The following SLC22A2 variants were observed in gnomAD, a reference collection of about 807,000 sequenced individuals.
The protein encoded by SLC22A2 is organic cation transporter 2.
Under a neutral mutation model 60.5 loss-of-function variants are expected in SLC22A2, and 46 were observed. The ratio of observed to expected loss-of-function variants is 0.76; its 90% CI spans 0.60 to 0.97. The LOEUF (loss-of-function observed/expected upper bound fraction) is 0.97, where lower values mean the gene tolerates loss of function less well. Among genes scored for constraint, SLC22A2 ranks in the 50% least tolerant of loss-of-function variants. The pLI is 0.00. For missense variants in SLC22A2, 701 were observed against 706.6 expected (o/e 0.99, Z 0.09); for synonymous variants, 303 against 267.0 (o/e 1.13, Z -1.31).
At position 160,233,977 on chromosome 6, in the gene SLC22A2, G is replaced by A. The variant is rs943228059; in HGVS notation, c.1501+7497C>T. 7.2e-5 allele frequency among the ~76,000 whole-genome samples: 11 copies of A among 152,098 alleles called. No individual in the cohort carries two copies. The South Asian group carries it at 8.3e-4, about 11-fold the overall frequency. ...CCATCATATCCCCTGTGACCTGCAC[G>A]TATACATCCAGATGGCCTGAAGTAA... is the stretch of plus-strand genomic sequence containing the variant. On this transcript the variant is annotated intron_variant, in intron 9 of 10. Transcript: ENST00000366953.
At chr6:160,224,889 CT>C (rs3219197) in intron 9 of SLC22A2, 85 bp from the exon 10 acceptor site, 98 of 583,318 alleles carry the variant, frequency 1.7e-4, no homozygotes, top group African/African-American at 1.6e-3. Context: ...TTGTTTAAAA[CT>C]TTTTTTTAGC....
intron 10 of SLC22A2, 77 bp from the exon 11 acceptor site, chr6:160,217,575 A>G: frequency 1.4e-6 from 1 of 739,518 alleles, no homozygotes; most frequent in Non-Finnish European, 2.4e-6. Context: ...GTGGGTAATA[A>G]ATGAGAGGAA....
Position 160,243,796 on chromosome 6 carries a change from G to C in SLC22A2, c.1065-10C>G. 6.2e-7 allele frequency: 1 copy of C among 1,604,814 alleles called. No homozygotes were observed. The highest frequency in any genetic ancestry group is 8.5e-7 in the Non-Finnish European group (1 of 1,172,536). On this transcript the variant is annotated splice_polypyrimidine_tract_variant and intron_variant, in intron 6 of 10. Coordinates refer to ENST00000366953, the MANE Select transcript of SLC22A2 (RefSeq NM_003058.4). Reference sequence around the variant, plus strand: ...CACAGAGCTCGTGAACCTGAGCAAAGAGGAGAGTTCAGGTCAAGTCAAGCA... The same window carrying C: ...CACAGAGCTCGTGAACCTGAGCAAACAGGAGAGTTCAGGTCAAGTCAAGCA...
At chr6:160,232,281 C>A (rs1406561536) in intron 9 of SLC22A2, among the ~76,000 whole-genome samples, 4 of 151,826 alleles carry the variant, frequency 2.6e-5, no homozygotes, top group Non-Finnish European at 5.9e-5. Context: ...TGTTCCTCAC[C>A]CTGATCACAC....
chr6:160,238,911 T>C (rs315985), intron 9 of SLC22A2, among the ~76,000 whole-genome samples: 106,103 of 151,964 alleles, frequency 0.7, 38,894 homozygotes, highest in Admixed American at 0.82. Context: ...AGAGTGACTC[T>C]GTCTTGGACA....
chr6:160,246,151 C>A lies in SLC22A2; in HGVS notation c.958-606G>T, dbSNP rs561147752. Among the ~76,000 whole-genome samples the A allele has an allele frequency of 2.0e-4, 30 of 152,066 alleles. No individual in the cohort carries two copies. In the South Asian group the frequency reaches 5.6e-3, roughly 28 times the overall value. On this transcript the variant is annotated intron_variant, in intron 5 of 10. Coordinates refer to ENST00000366953, the MANE Select transcript of SLC22A2 (RefSeq NM_003058.4). ...AAAGTGCTGGGATTACAGGCATGAG[C>A]CACTGCGCCCGACCAATTTTTGTAT...
In SLC22A2 at chr6:160,241,518, T is replaced by C. The variant is rs1314102745; in HGVS notation, c.1457A>G (p.Tyr486Cys). 2 of 1,613,808 alleles carry C rather than the reference T, an allele frequency of 1.2e-6. No homozygotes were observed. Among genetic ancestry groups the C allele is most frequent in the East Asian group, 2.2e-5 (1 of 44,860 alleles). The change falls in exon 9 of 11, where the codon TAC becomes TGC. Residue 486 changes from tyrosine (Y) to cysteine (C), a missense_variant. Transcript: ENST00000366953. ...CTCAAGCCAGATGTTAGTGAGCCGGTAGACCAGGAATGGCGTGATGATGCC... is the reference window on the plus strand; with the variant it reads ...CTCAAGCCAGATGTTAGTGAGCCGGCAGACCAGGAATGGCGTGATGATGCC... ...IGGIITPFLV[Y>C]RLTNIWLELP... is the part of the protein sequence containing the mutation.
intron 6 of SLC22A2, chr6:160,244,472 A>G (rs1334112105): frequency 6.6e-6 from 1 of 152,240 alleles, no homozygotes; most frequent in African/African-American, 2.4e-5. Flanking sequence ...TGGGATCGAA[A>G]GAACTGACTA....
chr6:160,220,628 T>C (rs1235037753), intron 10 of SLC22A2, among the ~76,000 whole-genome samples: 1 of 152,190 alleles, frequency 6.6e-6, no homozygotes, highest in East Asian at 1.9e-4. Flanking sequence ...ATTTCTTAAA[T>C]AATAATACTT....
chr6:160,224,341 T>C (rs1782690378), intron 10 of SLC22A2, among the ~76,000 whole-genome samples: 1 of 151,692 alleles, frequency 6.6e-6, no homozygotes, highest in Non-Finnish European at 1.5e-5. Context: ...TTAGGAAAAT[T>C]AGCCCAATGT....
intron 9 of SLC22A2, among the ~76,000 whole-genome samples, chr6:160,227,841 C>T (rs1782748021): frequency 6.6e-6 from 1 of 152,150 alleles, no homozygotes; most frequent in Non-Finnish European, 1.5e-5. Context: ...TGCAGTAAAG[C>T]CAGCTATAAC....
rs3907239 is a variant in SLC22A2, at chr6:160,242,294, C to T, written c.1388G>A (p.Arg463Lys). Reference sequence around the variant, plus strand: ...GTCATTCTAAGGAAAATGCACTCACCTAATGAATGTGGGGTACAGCTCAGC... The same window carrying T: ...GTCATTCTAAGGAAAATGCACTCACTTAATGAATGTGGGGTACAGCTCAGC... ...VNAELYPTFI[R>K]NLGVHICSSM... Residue 463 changes from arginine (R) to lysine (K), a missense_variant and splice_region_variant, in exon 8 of 11, where the codon AGG becomes AAG. Physicochemically the swap from Arg to Lys is conservative, Grantham distance 26 (BLOSUM62 2). Coordinates refer to ENST00000366953, the MANE Select transcript of SLC22A2 (RefSeq NM_003058.4). 1 of 1,531,272 alleles carries T rather than the reference C, an allele frequency of 6.5e-7. No individual in the cohort carries two copies. The highest frequency in any genetic ancestry group is 9.1e-7 in the Non-Finnish European group (1 of 1,104,296). The allele number at this position is 1,531,272 out of a possible 1,614,324, so 94.9% of individuals were successfully genotyped here.
intron 10 of SLC22A2, among the ~76,000 whole-genome samples, chr6:160,221,763 C>T (rs867385585): frequency 7.2e-5 from 11 of 152,156 alleles, no homozygotes; most frequent in Admixed American, 6.5e-5. Context: ...ACGCATTTAT[C>T]AATTAAGTTT....
At chr6:160,237,785 G>A (rs1488269136) in intron 9 of SLC22A2, among the ~76,000 whole-genome samples, 1 of 152,124 alleles carries the variant, frequency 6.6e-6, no homozygotes, top group East Asian at 1.9e-4. Flanking sequence ...GATGAGATAG[G>A]AAGTTGGCAC....
rs149782050 is a variant in SLC22A2, at chr6:160,247,231, T to A, written c.910A>T (p.Lys304Ter). 86 of 1,613,794 alleles carry A rather than the reference T, an allele frequency of 5.3e-5. No individual in the cohort carries two copies. In the African/African-American group the frequency reaches 1.1e-3, roughly 21 times the overall value. Residue 304 changes from lysine (K) to a stop codon, truncating the protein, a stop_gained, in exon 5 of 11, where the codon AAG becomes TAG. Coordinates refer to ENST00000366953, the MANE Select transcript of SLC22A2 (RefSeq NM_003058.4). LOFTEE classifies it high-confidence loss of function. ...NKNAEAMRIIKHIAKKNGKSL... is the reference protein window; with the variant it reads ...NKNAEAMRII ...TTTCCATTTTTCTTTGCGATGTGCT[T>A]AATGATTCTCATGGCTTCAGCATTC...
intron 5 of SLC22A2, among the ~76,000 whole-genome samples, chr6:160,246,157 C>A (rs191250737): frequency 6.6e-6 from 1 of 152,090 alleles, no homozygotes; most frequent in Non-Finnish European, 1.5e-5. Flanking sequence ...TGAGCCACTG[C>A]GCCCGACCAA....
intron 9 of SLC22A2, among the ~76,000 whole-genome samples, chr6:160,237,544 C>G (rs926794595): frequency 1.3e-5 from 2 of 151,996 alleles, no homozygotes; most frequent in African/African-American, 4.8e-5. Flanking sequence ...TACAAGAGAC[C>G]CTAATACTTA....
rs78693327 is a variant in SLC22A2 at position 160,224,529 on chromosome 6, G to A, written c.1601+176C>T. Among the ~76,000 whole-genome samples the A allele has an allele frequency of 7.6e-3, 1,157 of 152,172 alleles. 15 individuals are homozygous for A. The highest frequency in any genetic ancestry group is 0.026 in the African/African-American group (1,076 of 41,504). On this transcript the variant is annotated intron_variant, in intron 10 of 10. Coordinates refer to ENST00000366953, the MANE Select transcript of SLC22A2 (RefSeq NM_003058.4). ...CACGTGAAAGTTTAAAGAAATTCTC[G>A]TATAATGTCTTTGTAATTTTACTAA... is the stretch of plus-strand genomic sequence containing the variant.
intron 9 of SLC22A2, among the ~76,000 whole-genome samples, chr6:160,240,675 C>T (rs1229451666): frequency 6.6e-6 from 1 of 152,124 alleles, no homozygotes; most frequent in Non-Finnish European, 1.5e-5. Context: ...TTTAAATTTC[C>T]TTTCCCTTTA....
Sources: gnomAD v4.1 joint callset for allele counts (sites outside exome capture counted in the v4.1 genomes callset) on GRCh38, gnomAD v4.1.1 for gene constraint, MANE v1.5 for transcripts, NCBI Gene and HGNC (gene_info 2026-07-23, HGNC 2026-07-21) for gene names.